Variants in SLC22A23 observed in about 807,000 individuals in gnomAD.
The protein encoded by SLC22A23 is ion transporter protein.
Under a neutral mutation model 61.0 loss-of-function variants are expected in SLC22A23, and 26 were observed. The ratio of observed to expected loss-of-function variants is 0.43; its 90% CI spans 0.31 to 0.59. The LOEUF (loss-of-function observed/expected upper bound fraction) is 0.59, where lower values mean the gene tolerates loss of function less well. Among genes scored for constraint, SLC22A23 ranks in the 20% least tolerant of loss-of-function variants. The pLI, the probability that SLC22A23 is intolerant of heterozygous loss-of-function variation, is 0.11. For synonymous variants in SLC22A23, 430 were observed against 413.9 expected (o/e 1.04, Z -0.47); for missense variants, 796 against 934.7 (o/e 0.85, Z 1.94).
chr6:3,434,923 G>A (rs567901356), intron 1 of SLC22A23, among the ~76,000 whole-genome samples: 15 of 152,328 alleles, frequency 9.8e-5, no homozygotes, highest in South Asian at 2.1e-4. Flanking sequence ...CTTAGCAGGT[G>A]TGCTTATGGG....
intron 3 of SLC22A23, among the ~76,000 whole-genome samples, chr6:3,406,112 T>C (rs149152185): frequency 1.4e-4 from 22 of 152,322 alleles, no homozygotes; most frequent in Middle Eastern, 6.8e-3. Context: ...TTGTTCATTA[T>C]TTCAAACTGG....
intron 1 of SLC22A23, among the ~76,000 whole-genome samples, chr6:3,423,644 T>C (rs1770293982): frequency 1.3e-5 from 2 of 152,146 alleles, no homozygotes; most frequent in Non-Finnish European, 2.9e-5. Context: ...ACAGATCCCT[T>C]AGCATCAAAA....
chr6:3,394,942 G>A (rs1268349190), intron 3 of SLC22A23, among the ~76,000 whole-genome samples: 2 of 152,084 alleles, frequency 1.3e-5, no homozygotes, highest in Non-Finnish European at 2.9e-5. Context: ...CAGGCAGGGG[G>A]CAGGTCTAAA....
intron 3 of SLC22A23, among the ~76,000 whole-genome samples, chr6:3,369,887 T>C (rs1340440206): frequency 6.6e-6 from 1 of 152,242 alleles, no homozygotes; most frequent in Non-Finnish European, 1.5e-5. Flanking sequence ...CTATTTTTTC[T>C]TGTGAAAATT....
chr6:3,324,228 G>A lies in SLC22A23; in HGVS notation c.914-226C>T, dbSNP rs1241070127. On this transcript the variant is annotated intron_variant, in intron 3 of 9. Coordinates refer to ENST00000406686, the MANE Select transcript of SLC22A23 (RefSeq NM_015482.2). The surrounding 1 kb of genome is among the most constrained non-coding windows in gnomAD (Gnocchi z 4.3). ...GTTGTTCAAGGCCACAGGGCTAGTC[G>A]ATGACGAAGGGATGCTATAATTCAG... 7 of 563,658 alleles carry A rather than the reference G, an allele frequency of 1.2e-5. No individual in the cohort carries two copies. The highest frequency in any genetic ancestry group is 6.1e-5 in the Admixed American group (2 of 32,556). The allele number at this position is 563,658 out of a possible 1,614,324, so 34.9% of individuals were successfully genotyped here. A position where few individuals can be genotyped will look rare whatever the true frequency, so the allele number is the denominator to read the frequency against.
At chr6:3,314,441 T>G (rs1250430455) in intron 4 of SLC22A23, among the ~76,000 whole-genome samples, 1 of 152,160 alleles carries the variant, frequency 6.6e-6, no homozygotes, top group Non-Finnish European at 1.5e-5. Flanking sequence ...ACACCGCATC[T>G]CTCTGTGCCT....
chr6:3,415,044 A>G (rs771342027), intron 2 of SLC22A23, among the ~76,000 whole-genome samples: 2 of 152,222 alleles, frequency 1.3e-5, no homozygotes, highest in Non-Finnish European at 2.9e-5. Flanking sequence ...TGTAAAACAC[A>G]GGTAATAATA....
intron 3 of SLC22A23, among the ~76,000 whole-genome samples, chr6:3,379,653 C>T (rs1259781338): frequency 6.6e-6 from 1 of 152,036 alleles, no homozygotes; most frequent in Non-Finnish European, 1.5e-5. Context: ...TCCCCCAATA[C>T]TAAAATTCTC....
At chr6:3,398,128 A>T (rs561747715) in intron 3 of SLC22A23, among the ~76,000 whole-genome samples, 12 of 152,366 alleles carry the variant, frequency 7.9e-5, no homozygotes, top group Middle Eastern at 3.4e-3. Flanking sequence ...TAGCAATGCC[A>T]GTTCGACATA....
rs573915280 is a variant in SLC22A23, at chr6:3,356,318, G to T, written c.914-32316C>A. Among the ~76,000 whole-genome samples, 4 of 151,460 alleles carry T rather than the reference G, an allele frequency of 2.6e-5. 1 individual carries two copies. The highest frequency in any genetic ancestry group is 9.7e-5 in the African/African-American group (4 of 41,228). ...AAGGAAACCGGTGGGCCATGGAACCGCTGACAGGATTGGATGGTAAAACAG... is the reference window on the plus strand; with the variant it reads ...AAGGAAACCGGTGGGCCATGGAACCTCTGACAGGATTGGATGGTAAAACAG... On this transcript the variant is annotated intron_variant, in intron 3 of 9. Coordinates refer to ENST00000406686, the MANE Select transcript of SLC22A23 (RefSeq NM_015482.2).
At chr6:3,313,878 A>C (rs745342860) in intron 4 of SLC22A23, among the ~76,000 whole-genome samples, 1 of 152,188 alleles carries the variant, frequency 6.6e-6, no homozygotes. Context: ...GTCTCTACAG[A>C]ATTAGCTGGG....
At chr6:3,439,014 A>G (rs1771406458) in intron 1 of SLC22A23, among the ~76,000 whole-genome samples, 1 of 152,152 alleles carries the variant, frequency 6.6e-6, no homozygotes, top group Non-Finnish European at 1.5e-5. Flanking sequence ...CAGGAAATAC[A>G]ATGAGTGTTT....
chr6:3,411,076 T>C (rs1390564894), intron 2 of SLC22A23, among the ~76,000 whole-genome samples: 3 of 152,202 alleles, frequency 2.0e-5, no homozygotes, highest in African/African-American at 7.2e-5. Context: ...TTCAGATCAG[T>C]GACCACTAGG....
At chr6:3,377,308 AG>A (rs1279346439) in intron 3 of SLC22A23, among the ~76,000 whole-genome samples, 2 of 152,000 alleles carry the variant, frequency 1.3e-5, no homozygotes, top group Non-Finnish European at 2.9e-5. Flanking sequence ...TAGGGAGGAA[AG>A]GGCTCTTGGC....
chr6:3,325,678 A>G (rs773763154), intron 3 of SLC22A23, among the ~76,000 whole-genome samples: 19 of 152,256 alleles, frequency 1.2e-4, no homozygotes, highest in Non-Finnish European at 2.2e-4. Context: ...ATAAAGAAAA[A>G]TAGGTCTTTT....
At position 3,414,409 on chromosome 6, in the gene SLC22A23, G is replaced by A. The variant is rs987602702; in HGVS notation, c.758+1343C>T. On this transcript the variant is annotated intron_variant, in intron 2 of 9. Transcript: ENST00000406686. This position sits in a 1 kb window ranked among gnomAD's most constrained non-coding sequence, Gnocchi z 5.1. ...GAGGTCCCCTGCGTAGGTCTCCAGA[G>A]GTCACTGACTGCTTCTCTGTTGCTG... 2.3e-4 allele frequency among the ~76,000 whole-genome samples: 35 copies of A among 152,100 alleles called. No homozygotes were observed. The highest frequency in any genetic ancestry group is 8.0e-4 in the African/African-American group (33 of 41,428).
chr6:3,381,820 G>A (rs894810906), intron 3 of SLC22A23, among the ~76,000 whole-genome samples: 83 of 152,210 alleles, frequency 5.5e-4, no homozygotes, highest in African/African-American at 1.7e-3. Context: ...CCTCAGCCAC[G>A]CTCCTTTCAG....
chr6:3,393,527 TCTGAC>T (rs1291412618), intron 3 of SLC22A23, among the ~76,000 whole-genome samples: 1 of 152,324 alleles, frequency 6.6e-6, no homozygotes. Flanking sequence ...CTTAGGCAGC[TCTGAC>T]CTAAACCCTC....
At chr6:3,424,857 A>C (rs773565202) in intron 1 of SLC22A23, among the ~76,000 whole-genome samples, 16 of 152,220 alleles carry the variant, frequency 1.1e-4, no homozygotes, top group Non-Finnish European at 2.1e-4. Context: ...AATATTTACT[A>C]TGTGGCCCTT....
Sources: allele counts gnomAD v4.1 joint callset (sites outside exome capture counted in the v4.1 genomes callset), GRCh38; gene constraint gnomAD v4.1.1; non-coding constraint Gnocchi (gnomAD v3.1); transcripts MANE v1.5; gene names NCBI Gene and HGNC (gene_info 2026-07-23, HGNC 2026-07-21).